The following KCNB2 variants were observed in gnomAD, a reference collection of about 807,000 sequenced individuals.
KCNB2 encodes the protein potassium voltage-gated channel subfamily B member 2.
KCNB2 carries 15 observed loss-of-function variants against 61.5 expected under a neutral mutation model. The observed-to-expected ratio is 0.24, with a 90% CI of 0.16 to 0.38. KCNB2 has a LOEUF of 0.38. Among genes scored for constraint, KCNB2 ranks in the 10% least tolerant of loss-of-function variants. The pLI, the probability that KCNB2 is intolerant of heterozygous loss-of-function variation, is 1.00. For missense variants in KCNB2, 828 were observed against 1,125.2 expected (o/e 0.74, Z 3.78); for synonymous variants, 457 against 446.0 (o/e 1.02, Z -0.31).
intron 2 of KCNB2, among the ~76,000 whole-genome samples, chr8:72,932,348 T>G (rs1399702722): frequency 6.6e-6 from 1 of 152,232 alleles, no homozygotes; most frequent in Non-Finnish European, 1.5e-5. Flanking sequence ...AACAAAGGCC[T>G]GAGTCCTGAA....
At chr8:72,927,927 G>C (rs149287642) in intron 2 of KCNB2, among the ~76,000 whole-genome samples, 27 of 152,166 alleles carry the variant, frequency 1.8e-4, no homozygotes, top group African/African-American at 6.0e-4. Flanking sequence ...TTTCTGTGTA[G>C]AAACCTCCAT....
At chr8:72,917,902 G>T (rs1234394766) in intron 2 of KCNB2, among the ~76,000 whole-genome samples, 1 of 152,092 alleles carries the variant, frequency 6.6e-6, no homozygotes, top group African/African-American at 2.4e-5. Context: ...TGGTTGCTTG[G>T]GCAGATATTT....
chr8:72,773,025 C>A (rs73313530), intron 2 of KCNB2, among the ~76,000 whole-genome samples: 4,014 of 152,290 alleles, frequency 0.026, 61 homozygotes, highest in African/African-American at 0.037. Context: ...GTCCAGCTCA[C>A]CCTGCCCAGT....
At chr8:72,561,782 TATATATAC>T (rs1287499275) in intron 1 of KCNB2, among the ~76,000 whole-genome samples, 1,843 of 73,026 alleles carry the variant, frequency 0.025, 228 homozygotes, top group African/African-American at 0.12. Context: ...TATATGGATA[TATATATAC>T]ATATATATAT....
intron 2 of KCNB2, among the ~76,000 whole-genome samples, chr8:72,920,465 C>CTATATATATATATATA (rs1261158124): frequency 1.3e-4 from 9 of 71,072 alleles, no homozygotes; most frequent in Non-Finnish European, 1.7e-4. Flanking sequence ...ATCTATCTAT[C>CTATATATATATATATA]TATCTATCTA....
At chr8:72,786,899 C>T (rs1450246514) in intron 2 of KCNB2, among the ~76,000 whole-genome samples, 1 of 152,054 alleles carries the variant, frequency 6.6e-6, no homozygotes, top group Non-Finnish European at 1.5e-5. Flanking sequence ...AGTAACACTC[C>T]CAGGGCTCAG....
chr8:72,804,661 TGG>T (rs1162660497), intron 2 of KCNB2, among the ~76,000 whole-genome samples: 3 of 152,222 alleles, frequency 2.0e-5, no homozygotes, highest in Non-Finnish European at 2.9e-5. Context: ...AAATGACTTG[TGG>T]GGCTTTGCCA....
At chr8:72,575,342 G>A (rs1011342505) in intron 2 of KCNB2, among the ~76,000 whole-genome samples, 5 of 138,446 alleles carry the variant, frequency 3.6e-5, no homozygotes, top group Non-Finnish European at 7.6e-5. Flanking sequence ...CTATTGATTA[G>A]CATTGTGATT....
chr8:72,782,640 G>A (rs1260535677), intron 2 of KCNB2, among the ~76,000 whole-genome samples: 2 of 152,046 alleles, frequency 1.3e-5, no homozygotes, highest in Non-Finnish European at 2.9e-5. Flanking sequence ...ATCCTTCTAA[G>A]CTATCCATTC....
chr8:72,538,718 A>G (rs1806150427), intron 1 of KCNB2, among the ~76,000 whole-genome samples: 1 of 152,168 alleles, frequency 6.6e-6, no homozygotes, highest in Non-Finnish European at 1.5e-5. Context: ...GTTGTGTAGT[A>G]ATGTCAAGAT....
intron 2 of KCNB2, among the ~76,000 whole-genome samples, chr8:72,845,323 G>A (rs949823814): frequency 1.3e-5 from 2 of 152,194 alleles, no homozygotes; most frequent in Non-Finnish European, 2.9e-5. Flanking sequence ...TCGTCCCAGA[G>A]GGGTACCCGC....
chr8:72,561,080 A>G (rs970940080), intron 1 of KCNB2, among the ~76,000 whole-genome samples: 2 of 152,142 alleles, frequency 1.3e-5, no homozygotes, highest in Non-Finnish European at 2.9e-5. Flanking sequence ...GCTTCCTTTG[A>G]CCACTGAAAG....
intron 2 of KCNB2, among the ~76,000 whole-genome samples, chr8:72,712,168 C>T (rs866397287): frequency 6.6e-6 from 1 of 152,058 alleles, no homozygotes; most frequent in Admixed American, 6.6e-5. Context: ...CTTGTAGACT[C>T]ATATGAGCAA....
intron 2 of KCNB2, among the ~76,000 whole-genome samples, chr8:72,597,455 C>T (rs1563534189): frequency 6.6e-6 from 1 of 152,300 alleles, no homozygotes; most frequent in Admixed American, 6.5e-5. Flanking sequence ...GATGAAGCAT[C>T]TGCATGTTAT....
At chr8:72,763,664 G>A (rs553262472) in intron 2 of KCNB2, among the ~76,000 whole-genome samples, 1 of 152,270 alleles carries the variant, frequency 6.6e-6, no homozygotes, top group African/African-American at 2.4e-5. Flanking sequence ...AAAGCCAATA[G>A]TTTCCATTGA....
At chr8:72,685,699 G>A (rs2128989538) in intron 2 of KCNB2, among the ~76,000 whole-genome samples, 1 of 152,272 alleles carries the variant, frequency 6.6e-6, no homozygotes, top group African/African-American at 2.4e-5. Context: ...GCCAGTATAA[G>A]AAGGTCCAGG....
At chr8:72,746,259 A>G (rs751719770) in intron 2 of KCNB2, among the ~76,000 whole-genome samples, 1 of 152,102 alleles carries the variant, frequency 6.6e-6, no homozygotes, top group Non-Finnish European at 1.5e-5. Flanking sequence ...TCTCTCCTCT[A>G]CCAAGTGCAT....
chr8:72,758,486 C>T (rs1333711536), intron 2 of KCNB2, among the ~76,000 whole-genome samples: 1 of 152,204 alleles, frequency 6.6e-6, no homozygotes. Context: ...CATGCACTTA[C>T]ATAGCTAATG....
chr8:72,670,470 T>G (rs1409408696), intron 2 of KCNB2, among the ~76,000 whole-genome samples: 2 of 152,220 alleles, frequency 1.3e-5, no homozygotes, highest in Non-Finnish European at 2.9e-5. Flanking sequence ...CAGTCTGGGC[T>G]GTTCATCTCT....
Sources: gnomAD v4.1 joint callset for allele counts (sites outside exome capture counted in the v4.1 genomes callset) on GRCh38, gnomAD v4.1.1 for gene constraint, MANE v1.5 for transcripts, NCBI Gene and HGNC (gene_info 2026-07-23, HGNC 2026-07-21) for gene names.